PLS1: variants seen among roughly 807,000 people sequenced by gnomAD.
PLS1 encodes plastin-1.
A neutral mutation model predicts 73.7 loss-of-function variants in PLS1; 32 were observed. The observed-to-expected ratio is 0.43, with a 90% CI of 0.33 to 0.58. PLS1 has a LOEUF of 0.58. Among genes scored for constraint, PLS1 ranks in the 20% least tolerant of loss-of-function variants. The pLI, the probability that PLS1 is intolerant of heterozygous loss-of-function variation, is 0.04. For missense variants in PLS1, 633 were observed against 740.5 expected (o/e 0.85, Z 1.68); for synonymous variants, 217 against 261.3 (o/e 0.83, Z 1.63).
intron 4 of PLS1, chr3:142,673,674 T>C (rs1335194351): frequency 6.6e-6 from 1 of 152,494 alleles, no homozygotes; most frequent in African/African-American, 2.4e-5. Context: ...TCTGGCTGGC[T>C]AGGCAGGTGT....
intron 1 of PLS1, among the ~76,000 whole-genome samples, chr3:142,643,820 ATTTCATT>A (rs2036891637): frequency 7.4e-6 from 1 of 134,322 alleles, no homozygotes; most frequent in African/African-American, 2.9e-5. Context: ...TAATTTCTTC[ATTTCATT>A]TTTTTTTTTT....
At chr3:142,681,722 C>G (rs1405255541) in intron 6 of PLS1, among the ~76,000 whole-genome samples, 1 of 152,176 alleles carries the variant, frequency 6.6e-6, no homozygotes, top group Non-Finnish European at 1.5e-5. Flanking sequence ...ATAGCAACTT[C>G]TCCATGGGGT....
chr3:142,597,314 A>G (rs1402165970), intron 1 of PLS1: 2 of 152,144 alleles, frequency 1.3e-5, no homozygotes, highest in East Asian at 3.8e-4. Context: ...GCCAGAAGCA[A>G]AATTTCAGGA....
chr3:142,697,463 A>C (rs1182108760), intron 11 of PLS1, among the ~76,000 whole-genome samples: 1 of 152,144 alleles, frequency 6.6e-6, no homozygotes, highest in African/African-American at 2.4e-5. Context: ...TTCTTTACCT[A>C]ATAGAGGTAA....
At chr3:142,664,004 C>A (rs921186918) in intron 1 of PLS1, 198 bp from the exon 2 acceptor site, 8 of 284,540 alleles carry the variant, frequency 2.8e-5, no homozygotes, top group African/African-American at 1.7e-4. Flanking sequence ...GGTGTTTCTT[C>A]CCCTTACTGA....
chr3:142,691,898 G>A (rs2038093327), intron 10 of PLS1, among the ~76,000 whole-genome samples: 1 of 152,056 alleles, frequency 6.6e-6, no homozygotes, highest in African/African-American at 2.4e-5. Flanking sequence ...AGATATGTGG[G>A]CTACGTACAG....
chr3:142,640,384 G>T (rs1177771416), intron 1 of PLS1, among the ~76,000 whole-genome samples: 2 of 152,132 alleles, frequency 1.3e-5, no homozygotes, highest in South Asian at 2.1e-4. Context: ...CTTGAAAAAA[G>T]ATGTCTCTTA....
Position 142,712,536 on chromosome 3 carries a change from T to A in PLS1, c.*529T>A, listed in dbSNP as rs1933188094. ...CCAGAATTGTTTATTAATATCAAAC[T>A]TTTTTATATATGAGAACTAATTCTT... On this transcript the variant is annotated 3_prime_UTR_variant, in exon 16 of 16. Transcript: ENST00000457734. 1 of 152,668 alleles carries A rather than the reference T, an allele frequency of 6.6e-6. No homozygotes were observed. The highest frequency in any genetic ancestry group is 6.5e-5 in the Admixed American group (1 of 15,302). The allele number at this position is 152,668 out of a possible 1,614,324, so 9.5% of individuals were successfully genotyped here. A position where few individuals can be genotyped will look rare whatever the true frequency, so the allele number is the denominator to read the frequency against.
chr3:142,657,601 T>A (rs2037269643), intron 1 of PLS1, among the ~76,000 whole-genome samples: 2 of 152,184 alleles, frequency 1.3e-5, no homozygotes, highest in Non-Finnish European at 2.9e-5. Context: ...GCAATTCTCC[T>A]GCCTCAACCT....
intron 1 of PLS1, among the ~76,000 whole-genome samples, chr3:142,661,661 TATAAAAGTGTATA>T (rs2037373864): frequency 6.6e-6 from 1 of 152,338 alleles, no homozygotes; most frequent in South Asian, 2.1e-4. Context: ...AATACAAGTT[TATAAAAGTGTATA>T]AAAAAGAGGA....
chr3:142,696,864 T>TA (rs546826216), intron 11 of PLS1, among the ~76,000 whole-genome samples: 58 of 152,070 alleles, frequency 3.8e-4, no homozygotes, highest in Non-Finnish European at 7.1e-4. Context: ...GATTTTTTTT[T>TA]ATACAGAATG....
intron 1 of PLS1, chr3:142,619,422 T>C (rs2036275373): frequency 6.6e-6 from 1 of 152,230 alleles, no homozygotes; most frequent in African/African-American, 2.4e-5. Context: ...GATACATATT[T>C]ATGACAAGTT....
chr3:142,612,966 A>G (rs2036150736), intron 1 of PLS1, among the ~76,000 whole-genome samples: 1 of 152,012 alleles, frequency 6.6e-6, no homozygotes, highest in Non-Finnish European at 1.5e-5. Flanking sequence ...GGTTTCACCC[A>G]TGTTGACAAG....
intron 14 of PLS1, among the ~76,000 whole-genome samples, chr3:142,707,171 C>T (rs1014718069): frequency 6.6e-6 from 1 of 152,014 alleles, no homozygotes; most frequent in African/African-American, 2.4e-5. Flanking sequence ...AAAGAGAGTG[C>T]AAATGGTTAA....
intron 1 of PLS1, among the ~76,000 whole-genome samples, chr3:142,648,897 C>G (rs2108632078): frequency 6.6e-6 from 1 of 152,312 alleles, no homozygotes; most frequent in Admixed American, 6.5e-5. Context: ...GGAAATCTAA[C>G]TAACTTAAAG....
chr3:142,663,047 TA>T (rs1298281888), intron 1 of PLS1, among the ~76,000 whole-genome samples: 1 of 151,732 alleles, frequency 6.6e-6, no homozygotes, highest in Admixed American at 6.6e-5. Flanking sequence ...ACGTCTCTAC[TA>T]AAAATACAAA....
At chr3:142,599,361 G>A (rs1381428701) in intron 1 of PLS1, among the ~76,000 whole-genome samples, 4 of 128,072 alleles carry the variant, frequency 3.1e-5, no homozygotes, top group African/African-American at 3.1e-5. Context: ...ATGGAGTCTC[G>A]CTCTGTCGCC....
intron 12 of PLS1, among the ~76,000 whole-genome samples, chr3:142,703,416 C>A (rs1007488403): frequency 6.6e-6 from 1 of 151,834 alleles, no homozygotes; most frequent in Middle Eastern, 3.4e-3. Flanking sequence ...CTGCCTCAGC[C>A]TCCTGAGTAG....
In PLS1 at chr3:142,711,899, C is replaced by G. The variant is rs376466830; in HGVS notation, c.1782C>G (p.Ile594Met). The change falls in exon 16 of 16, where the codon ATC becomes ATG. Residue 594 changes from isoleucine (I) to methionine (M), a missense_variant. Transcript: ENST00000457734. ...AKYAISVARK[I>M]GARIYALPDD... ...ACGCCATTTCAGTTGCTCGAAAGATCGGTGCCCGGATATATGCATTACCTG... is the reference window on the plus strand; with the variant it reads ...ACGCCATTTCAGTTGCTCGAAAGATGGGTGCCCGGATATATGCATTACCTG... The G allele has an allele frequency of 3.1e-6, 5 of 1,613,534 alleles. No individual in the cohort carries two copies. Among genetic ancestry groups the G allele is most frequent in the Non-Finnish European group, 4.2e-6 (5 of 1,179,540 alleles).
Sources: gnomAD v4.1 joint callset for allele counts (sites outside exome capture counted in the v4.1 genomes callset) on GRCh38, gnomAD v4.1.1 for gene constraint, MANE v1.5 for transcripts, NCBI Gene and HGNC (gene_info 2026-07-23, HGNC 2026-07-21) for gene names.